Variants in EIF2A observed in about 807,000 individuals in gnomAD.
EIF2A encodes the protein eukaryotic translation initiation factor 2A.
In EIF2A, 62 loss-of-function variants were observed where a neutral mutation model predicts 75.2. The observed-to-expected ratio is 0.82, with a 90% CI of 0.67 to 1.02. EIF2A has a LOEUF of 1.02. EIF2A is among the 50% of genes least tolerant of loss of function. The pLI, the probability that EIF2A is intolerant of heterozygous loss-of-function variation, is 0.00. For missense variants in EIF2A, 611 were observed against 677.7 expected, an observed-to-expected ratio of 0.90 and a Z score of 1.09; for synonymous variants, 207 against 239.0, an observed-to-expected ratio of 0.87 and a Z score of 1.23.
chr3:150,572,067 T>A lies in EIF2A; in HGVS notation c.921T>A (p.Asp307Glu). The A allele has an allele frequency of 6.2e-7, 1 of 1,614,014 alleles. No individual in the cohort carries two copies. Among genetic ancestry groups the A allele is most frequent in the Non-Finnish European group, 8.5e-7 (1 of 1,179,894 alleles). The change falls in exon 10 of 14, where the codon GAT (aspartate) becomes GAA (glutamate). Residue 307 changes from aspartate (D) to glutamate (E), a missense_variant. Coordinates refer to ENST00000460851, the MANE Select transcript of EIF2A (RefSeq NM_032025.5). ...AKATIFNLKC[D>E]PVFDFGTGPR... ...CGACAATTTTCAACTTGAAATGTGA[T>A]CCTGTATTTGACTTTGGAACTGGTC...
chr3:150,568,577 A>G (rs372131915), intron 9 of EIF2A, among the ~76,000 whole-genome samples: 2 of 152,182 alleles, frequency 1.3e-5, no homozygotes, highest in East Asian at 3.8e-4. Flanking sequence ...TACTTAGCTA[A>G]TTATGACGGC....
chr3:150,562,794 T>C (rs1013813057), intron 4 of EIF2A, 134 bp downstream of exon 4: 1 of 626,104 alleles, frequency 1.6e-6, no homozygotes, highest in African/African-American at 1.8e-5. Context: ...TGTGAATATT[T>C]ATGATCTACA....
chr3:150,548,845 T>A, intron 1 of EIF2A, among the ~76,000 whole-genome samples: 1 of 152,216 alleles, frequency 6.6e-6, no homozygotes. Context: ...GATTAAGTGG[T>A]CCGATTCACA....
intron 6 of EIF2A, 32 bp downstream of exon 6, chr3:150,564,413 C>T (rs747524260): frequency 7.4e-5 from 113 of 1,524,196 alleles, no homozygotes; most frequent in Non-Finnish European, 9.6e-5. Flanking sequence ...AATTTTATTA[C>T]TTACTGTAAT....
chr3:150,568,166 A>G lies in EIF2A; in HGVS notation c.695-10A>G, dbSNP rs139445557. 4.2e-5 allele frequency: 67 copies of G among 1,607,600 alleles called. No individual in the cohort carries two copies. Among genetic ancestry groups the G allele is most frequent in the Non-Finnish European group, 5.3e-5 (63 of 1,178,062 alleles). ...TGTTTTAAATCTAATTAAAGTTTTT[A>G]CTGTTATAGCTACTGCTGTGTTGGT... On this transcript the variant is annotated splice_polypyrimidine_tract_variant and intron_variant, in intron 8 of 13. Coordinates refer to ENST00000460851, the MANE Select transcript of EIF2A (RefSeq NM_032025.5).
chr3:150,582,321 A>ATT (rs35048163), intron 12 of EIF2A, among the ~76,000 whole-genome samples: 20 of 143,720 alleles, frequency 1.4e-4, no homozygotes, highest in Middle Eastern at 3.5e-3. Flanking sequence ...ATTTAATTTA[A>ATT]TTTTTTTTTT....
chr3:150,552,425 G>C lies in EIF2A; in HGVS notation c.98G>C (p.Arg33Thr), dbSNP rs1334683169. The C allele has an allele frequency of 1.3e-6, 2 of 1,551,664 alleles. No individual in the cohort carries two copies. The highest frequency in any genetic ancestry group is 1.7e-6 in the Non-Finnish European group (2 of 1,146,850). The change falls in exon 2 of 14, where the codon AGG becomes ACG. Residue 33 changes from arginine (R) to threonine (T), a missense_variant and splice_region_variant. Coordinates refer to ENST00000460851, the MANE Select transcript of EIF2A (RefSeq NM_032025.5). ...TTTACAGAAAGCACAGTGTTTCCAA[G>C]GTATGATTTATTTTGTTAAGTAATG... ...PHFTESTVFP[R>T]ESGKNCKVCI...
At position 150,585,979 on chromosome 3, in the gene EIF2A, C is replaced by A. The variant is rs988475539; in HGVS notation, c.*2068C>A. On this transcript the variant is annotated 3_prime_UTR_variant, in exon 14 of 14. Coordinates refer to ENST00000460851, the MANE Select transcript of EIF2A (RefSeq NM_032025.5). Reference sequence around the variant, plus strand: ...TATCCTCATCTCAGACTTCTAACCTCCAGAACTGTGAGAAAATAAACTTCT... The same window carrying A: ...TATCCTCATCTCAGACTTCTAACCTACAGAACTGTGAGAAAATAAACTTCT... Among the ~76,000 whole-genome samples the A allele has an allele frequency of 1.1e-4, 16 of 152,204 alleles. No individual in the cohort carries two copies. The highest frequency in any genetic ancestry group is 3.9e-4 in the African/African-American group (16 of 41,440).
chr3:150,560,043 TTTTG>T (rs533138923), intron 3 of EIF2A, among the ~76,000 whole-genome samples: 245 of 152,284 alleles, frequency 1.6e-3, no homozygotes, highest in African/African-American at 5.3e-3. Context: ...CATTGTCTTT[TTTTG>T]TTTGTTTGTT....
rs1723444801 is a variant in EIF2A at position 150,554,021 on chromosome 3, C to A, written c.98+1596C>A. Among the ~76,000 whole-genome samples the A allele has an allele frequency of 3.3e-5, 5 of 152,176 alleles. No homozygotes were observed. The South Asian group carries it at 1.0e-3, about 32-fold the overall frequency. The stretch of plus-strand genomic sequence containing the variant: ...CACTTCCTTGGAGAAGTGGTCAACT[C>A]TAGGTCTGGGACAGAAAATGTACAA... On this transcript the variant is annotated intron_variant, in intron 2 of 13. Coordinates refer to ENST00000460851, the MANE Select transcript of EIF2A (RefSeq NM_032025.5).
chr3:150,576,972 A>G (rs1354485245), intron 11 of EIF2A, among the ~76,000 whole-genome samples: 1 of 152,134 alleles, frequency 6.6e-6, no homozygotes, highest in Non-Finnish European at 1.5e-5. Context: ...CATTTTTGCA[A>G]TTCAGGTAGA....
chr3:150,582,440 G>A (rs899388252), intron 12 of EIF2A, among the ~76,000 whole-genome samples: 2 of 151,360 alleles, frequency 1.3e-5, no homozygotes, highest in Non-Finnish European at 2.9e-5. Context: ...TCAGCCTCCC[G>A]AGTAGCTGGG....
intron 10 of EIF2A, 50 bp downstream of exon 10, chr3:150,572,579 G>A: frequency 6.6e-7 from 1 of 1,523,384 alleles, no homozygotes; most frequent in Non-Finnish European, 8.8e-7. Flanking sequence ...TTTGGGCCAG[G>A]AGTGGTGGTT....
chr3:150,571,144 G>A (rs565741289), intron 9 of EIF2A, among the ~76,000 whole-genome samples: 4 of 152,020 alleles, frequency 2.6e-5, no homozygotes, highest in African/African-American at 9.6e-5. Context: ...ACCTGTGTTT[G>A]TGGCTTTTTT....
At chr3:150,549,532 C>A (rs1400484170) in intron 1 of EIF2A, among the ~76,000 whole-genome samples, 1 of 152,100 alleles carries the variant, frequency 6.6e-6, no homozygotes, top group African/African-American at 2.4e-5. Context: ...ATCTGTTTTT[C>A]TTCATCTGTA....
At chr3:150,550,575 G>C (rs958143926) in intron 1 of EIF2A, among the ~76,000 whole-genome samples, 2 of 152,192 alleles carry the variant, frequency 1.3e-5, no homozygotes, top group African/African-American at 4.8e-5. Context: ...GTTTGGGCCA[G>C]GTGGCTTACA....
At chr3:150,549,138 C>T (rs1723192853) in intron 1 of EIF2A, among the ~76,000 whole-genome samples, 1 of 151,192 alleles carries the variant, frequency 6.6e-6, no homozygotes, top group South Asian at 2.1e-4. Flanking sequence ...TTTTTTTAAA[C>T]TCGTATAACC....
At chr3:150,563,740 A>AT (rs1321355825) in intron 5 of EIF2A, 126 bp downstream of exon 5, 7 of 779,488 alleles carry the variant, frequency 9.0e-6, no homozygotes, top group Non-Finnish European at 1.4e-5. Context: ...ATTTTTAAGG[A>AT]TTTTGTATGT....
intron 1 of EIF2A, among the ~76,000 whole-genome samples, chr3:150,547,656 C>T (rs551524116): frequency 4.6e-5 from 7 of 152,158 alleles, no homozygotes; most frequent in Non-Finnish European, 8.8e-5. Context: ...AGGTTGTCTG[C>T]ATTTAAGGAG....
Sources: allele counts gnomAD v4.1 joint callset (sites outside exome capture counted in the v4.1 genomes callset), GRCh38; gene constraint gnomAD v4.1.1; transcripts MANE v1.5; gene names NCBI Gene and HGNC (gene_info 2026-07-23, HGNC 2026-07-21).